The following AGAP1 variants were observed in gnomAD, a reference collection of about 807,000 sequenced individuals.
AGAP1 encodes arf-GAP with GTPase, ANK repeat and PH domain-containing protein 1.
In AGAP1, 29 loss-of-function variants were observed where a neutral mutation model predicts 105.3. The ratio of observed to expected loss-of-function variants is 0.28; its 90% confidence interval spans 0.21 to 0.38. The LOEUF is 0.38. Ranked by LOEUF, AGAP1 falls within the 10% of genes least tolerant of loss-of-function variation. The pLI is 1.00. For synonymous variants in AGAP1, 509 were observed against 485.9 expected, an observed-to-expected ratio of 1.05 and a Z score of -0.63; for missense variants, 998 against 1,165.1, an observed-to-expected ratio of 0.86 and a Z score of 2.09.
intron 12 of AGAP1, among the ~76,000 whole-genome samples, chr2:235,950,326 A>G (rs1304128949): frequency 2.0e-5 from 3 of 152,262 alleles, no homozygotes; most frequent in African/African-American, 4.8e-5. Context: ...AAAGAAGAGC[A>G]GGAGCCAGCC....
chr2:235,958,501 C>T lies in AGAP1; in HGVS notation c.1484-9961C>T, dbSNP rs1052873283. 1.3e-5 allele frequency among the ~76,000 whole-genome samples: 2 copies of T among 152,176 alleles called. No individual in the cohort carries two copies. The highest frequency in any genetic ancestry group is 6.5e-5 in the Admixed American group (1 of 15,296). On this transcript the variant is annotated intron_variant, in intron 12 of 17. Coordinates refer to ENST00000304032, the MANE Select transcript of AGAP1 (RefSeq NM_001037131.3). This position sits in a 1 kb window ranked among gnomAD's most constrained non-coding sequence, Gnocchi z 4.1. ...AGAGACTCATCTCTTGAATATCACC[C>T]GGGATATCAAAAACCTATCAGCACA... is the stretch of plus-strand genomic sequence containing the variant.
rs149230784 is a variant in AGAP1 at position 235,728,091 on chromosome 2, C to T, written c.310+10447C>T. Among the ~76,000 whole-genome samples, 10 of 152,326 alleles carry T rather than the reference C, an allele frequency of 6.6e-5. No homozygotes were observed. Among genetic ancestry groups the T allele is most frequent in the Admixed American group, 2.0e-4 (3 of 15,296 alleles). ...GTGGGGGCCTGGACACTAAGTGCCA[C>T]TTCTCTGCCCATGGCAAATTCCAAG... On this transcript the variant is annotated intron_variant, in intron 3 of 17. Coordinates refer to ENST00000304032, the MANE Select transcript of AGAP1 (RefSeq NM_001037131.3). This position sits in a 1 kb window ranked among gnomAD's most constrained non-coding sequence, Gnocchi z 4.3.
Position 235,855,935 on chromosome 2 carries a change from A to G in AGAP1, c.1051-27410A>G, listed in dbSNP as rs532777337. Among the ~76,000 whole-genome samples the G allele has an allele frequency of 2.0e-5, 3 of 152,170 alleles. No homozygotes were observed. Among genetic ancestry groups the G allele is most frequent in the African/African-American group, 7.2e-5 (3 of 41,490 alleles). ...ATTATTATTATTATTTTCTTTTGAG[A>G]TGGAGTCTCGCTCTGTCACCCAGGC... On this transcript the variant is annotated intron_variant, in intron 9 of 17. Coordinates refer to ENST00000304032, the MANE Select transcript of AGAP1 (RefSeq NM_001037131.3). The surrounding 1 kb of genome is among the most constrained non-coding windows in gnomAD (Gnocchi z 5.0).
chr2:235,835,132 CAG>C (rs1959981856), intron 9 of AGAP1, among the ~76,000 whole-genome samples: 1 of 152,212 alleles, frequency 6.6e-6, no homozygotes. Flanking sequence ...CAGGTGCCCT[CAG>C]TGTGTTCCCC....
intron 1 of AGAP1, among the ~76,000 whole-genome samples, chr2:235,576,544 T>C (rs1440600693): frequency 2.0e-5 from 3 of 152,176 alleles, no homozygotes; most frequent in Non-Finnish European, 2.9e-5. Flanking sequence ...TGCAGCTGGT[T>C]TTAAGAACTT....
chr2:236,026,825 G>C (rs2057070790), intron 13 of AGAP1, among the ~76,000 whole-genome samples: 1 of 152,196 alleles, frequency 6.6e-6, no homozygotes, highest in African/African-American at 2.4e-5. Flanking sequence ...TTGTTCTCTT[G>C]GCATGAGGAA....
At chr2:235,907,584 A>G (rs2051366560) in intron 10 of AGAP1, among the ~76,000 whole-genome samples, 1 of 152,236 alleles carries the variant, frequency 6.6e-6, no homozygotes, top group Non-Finnish European at 1.5e-5. Flanking sequence ...CTTCCTGCAT[A>G]GTCTTAAAAC....
At chr2:236,103,845 G>A (rs1164892961) in intron 16 of AGAP1, among the ~76,000 whole-genome samples, 1 of 151,990 alleles carries the variant, frequency 6.6e-6, no homozygotes, top group Non-Finnish European at 1.5e-5. Context: ...GAGATTACAG[G>A]CGTGAGCGAC....
At chr2:235,809,115 T>C (rs781007923) in intron 9 of AGAP1, among the ~76,000 whole-genome samples, 1 of 152,020 alleles carries the variant, frequency 6.6e-6, no homozygotes, top group Non-Finnish European at 1.5e-5. Flanking sequence ...GTGATTTGGG[T>C]GGGAGCGCTC....
chr2:235,757,873 G>A (rs191592469), intron 6 of AGAP1, among the ~76,000 whole-genome samples: 6 of 152,298 alleles, frequency 3.9e-5, no homozygotes, highest in African/African-American at 1.4e-4. Context: ...GTCCGTTTGT[G>A]CAACCTAATT....
intron 6 of AGAP1, among the ~76,000 whole-genome samples, chr2:235,772,582 G>A (rs1027732588): frequency 6.6e-6 from 1 of 152,146 alleles, no homozygotes; most frequent in Non-Finnish European, 1.5e-5. Flanking sequence ...ATCTCACTTA[G>A]TCAGTTGACC....
At chr2:235,938,770 A>G (rs565036642) in intron 12 of AGAP1, among the ~76,000 whole-genome samples, 6 of 152,172 alleles carry the variant, frequency 3.9e-5, no homozygotes, top group Admixed American at 3.9e-4. Flanking sequence ...CATGAAGCGG[A>G]GGGCCGAGAT....
rs2054908376 is a variant in AGAP1, at chr2:235,977,491, T to C, written c.1645+8868T>C. On this transcript the variant is annotated intron_variant, in intron 13 of 17. Transcript: ENST00000304032. The surrounding 1 kb of genome is among the most constrained non-coding windows in gnomAD (Gnocchi z 5.2). The stretch of plus-strand genomic sequence containing the variant: ...CAAAGTACAGGGATACAGATTGAAA[T>C]GTTCAGCAGCAAGGTATGAGAGGTC... Among the ~76,000 whole-genome samples the C allele has an allele frequency of 6.6e-6, 1 of 152,134 alleles. No individual in the cohort carries two copies. The highest frequency in any genetic ancestry group is 6.5e-5 in the Admixed American group (1 of 15,276).
At chr2:235,696,416 G>A (rs548043027) in intron 1 of AGAP1, among the ~76,000 whole-genome samples, 273 of 152,180 alleles carry the variant, frequency 1.8e-3, no homozygotes, top group Non-Finnish European at 3.0e-3. Flanking sequence ...ACCAAGAGTC[G>A]TGTGAGGTCC....
intron 1 of AGAP1, among the ~76,000 whole-genome samples, chr2:235,666,153 G>A (rs538846090): frequency 1.2e-3 from 186 of 151,998 alleles, no homozygotes; most frequent in Middle Eastern, 3.4e-3. Flanking sequence ...CCTGCAGCAC[G>A]GAGGCATTAC....
At chr2:235,667,053 A>G (rs1460536125) in intron 1 of AGAP1, among the ~76,000 whole-genome samples, 2 of 152,148 alleles carry the variant, frequency 1.3e-5, no homozygotes, top group African/African-American at 2.4e-5. Context: ...GTACAGCTGC[A>G]GTGATAAAAT....
At chr2:235,604,921 C>G (rs188718508) in intron 1 of AGAP1, among the ~76,000 whole-genome samples, 2 of 151,790 alleles carry the variant, frequency 1.3e-5, no homozygotes, top group Non-Finnish European at 2.9e-5. Flanking sequence ...CTCTCTGTCC[C>G]CCGGGCTGGA....
chr2:235,537,210 T>C (rs1422172387), intron 1 of AGAP1, among the ~76,000 whole-genome samples: 1 of 152,014 alleles, frequency 6.6e-6, no homozygotes. Context: ...AGGAAAACAA[T>C]GAGAGCGGGG....
At position 235,717,749 on chromosome 2, in the gene AGAP1, C is replaced by A. The variant is rs1463989019; in HGVS notation, c.310+105C>A. The A allele has an allele frequency of 2.2e-5, 21 of 961,606 alleles. No homozygotes were observed. In the Admixed American group the frequency reaches 6.2e-4, roughly 28 times the overall value. The allele number at this position is 961,606 out of a possible 1,614,324, so 59.6% of individuals were successfully genotyped here. A position where few individuals can be genotyped will look rare whatever the true frequency, so the allele number is the denominator to read the frequency against. On this transcript the variant is annotated intron_variant, in intron 3 of 17. Coordinates refer to ENST00000304032, the MANE Select transcript of AGAP1 (RefSeq NM_001037131.3). Reference sequence around the variant, plus strand: ...TTTGATGTATCACAGGTCAAGAAAGCAATAAAACATACCAAGCGGTAAAAA... The same window carrying A: ...TTTGATGTATCACAGGTCAAGAAAGAAATAAAACATACCAAGCGGTAAAAA...
Sources: gnomAD v4.1 joint callset for allele counts (sites outside exome capture counted in the v4.1 genomes callset) on GRCh38, gnomAD v4.1.1 for gene constraint, Gnocchi (gnomAD v3.1) non-coding constraint, MANE v1.5 for transcripts, NCBI Gene and HGNC (gene_info 2026-07-23, HGNC 2026-07-21) for gene names.